BTRC: variants seen among roughly 807,000 people sequenced by gnomAD.
BTRC encodes beta-transducin repeat containing E3 ubiquitin protein ligase.
A neutral mutation model predicts 85.5 loss-of-function variants in BTRC; 42 were observed. The ratio of observed to expected loss-of-function variants is 0.49; its 90% CI spans 0.38 to 0.64. The LOEUF (loss-of-function observed/expected upper bound fraction) is 0.64. Ranked by LOEUF, BTRC falls within the 30% of genes least tolerant of loss-of-function variation. The pLI is 0.00. For missense variants in BTRC, 594 were observed against 743.5 expected (o/e 0.80, Z 2.34); for synonymous variants, 255 against 263.3 (o/e 0.97, Z 0.30).
At chr10:101,435,263 G>A (rs1944499257) in intron 2 of BTRC, among the ~76,000 whole-genome samples, 1 of 152,062 alleles carries the variant, frequency 6.6e-6, no homozygotes, top group South Asian at 2.1e-4. Context: ...GTACTCTTAG[G>A]TGAGTTTTGA....
chr10:101,409,743 G>A (rs1943725546), intron 1 of BTRC, among the ~76,000 whole-genome samples: 1 of 152,200 alleles, frequency 6.6e-6, no homozygotes, highest in Non-Finnish European at 1.5e-5. Flanking sequence ...GGTATATGCA[G>A]TTCATTGTTG....
chr10:101,420,408 C>T (rs1291669418), intron 1 of BTRC, among the ~76,000 whole-genome samples: 1 of 152,088 alleles, frequency 6.6e-6, no homozygotes, highest in East Asian at 1.9e-4. Context: ...CTTCCACCCT[C>T]CTCACTCCAC....
At position 101,430,428 on chromosome 10, in the gene BTRC, G is replaced by T. The variant is rs1564767812; in HGVS notation, c.132G>T (p.Gly44=). 1 of 1,613,972 alleles carries T rather than the reference G, an allele frequency of 6.2e-7. No individual in the cohort carries two copies. The highest frequency in any genetic ancestry group is 8.5e-7 in the Non-Finnish European group (1 of 1,179,968). Residue 44 remains glycine, a synonymous_variant, in exon 2 of 15, where the codon GGG becomes GGT. Transcript: ENST00000370187. The stretch of plus-strand genomic sequence containing the variant: ...CGCTGCGATGCCTGTATAACCCAGG[G>T]ACTGGCGCACTCACAGCTTTCCAGG... ...MPSLRCLYNP[G]TGALTAFQNS...
chr10:101,499,379 A>G (rs553994816), intron 4 of BTRC, among the ~76,000 whole-genome samples: 3 of 151,916 alleles, frequency 2.0e-5, no homozygotes, highest in Non-Finnish European at 2.9e-5. Context: ...ATGCACCACC[A>G]TGCCCAGCTA....
At chr10:101,499,960 T>C (rs537022022) in intron 4 of BTRC, among the ~76,000 whole-genome samples, 1 of 151,962 alleles carries the variant, frequency 6.6e-6, no homozygotes, top group South Asian at 2.1e-4. Flanking sequence ...TACAGCAGGC[T>C]ATGGACTATA....
intron 1 of BTRC, among the ~76,000 whole-genome samples, chr10:101,379,714 C>T (rs1187104015): frequency 2.6e-5 from 4 of 152,036 alleles, no homozygotes; most frequent in Non-Finnish European, 4.4e-5. Context: ...CTGTAACAAT[C>T]ATTTCTTAAG....
chr10:101,403,371 G>T (rs765611725), intron 1 of BTRC, among the ~76,000 whole-genome samples: 2 of 152,088 alleles, frequency 1.3e-5, no homozygotes, highest in Non-Finnish European at 2.9e-5. Context: ...CAAGGCAGCC[G>T]CCCTTGCATT....
At chr10:101,419,310 C>T (rs1310549513) in intron 1 of BTRC, among the ~76,000 whole-genome samples, 1 of 152,194 alleles carries the variant, frequency 6.6e-6, no homozygotes, top group East Asian at 1.9e-4. Context: ...TTCGTCTGGC[C>T]AGTACCTCAC....
chr10:101,535,187 A>T (rs952599439), intron 10 of BTRC, among the ~76,000 whole-genome samples, 167 bp from the exon 11 acceptor site: 1 of 152,166 alleles, frequency 6.6e-6, no homozygotes, highest in African/African-American at 2.4e-5. Flanking sequence ...GCCAACTGCA[A>T]ATTAGCCTCT....
At chr10:101,381,962 C>CTTTTTTTTTT (rs71016314) in intron 1 of BTRC, among the ~76,000 whole-genome samples, 14 of 49,156 alleles carry the variant, frequency 2.8e-4, no homozygotes, top group African/African-American at 8.9e-4. Context: ...CTAAGAATGT[C>CTTTTTTTTTT]TTTTTTTTTT....
intron 3 of BTRC, among the ~76,000 whole-genome samples, chr10:101,469,726 C>T (rs111918107): frequency 1.8e-4 from 27 of 152,244 alleles, no homozygotes; most frequent in African/African-American, 6.3e-4. Context: ...AGAATATTTT[C>T]ATAACCTAGG....
chr10:101,432,219 C>G (rs879755693), intron 2 of BTRC, among the ~76,000 whole-genome samples: 2 of 151,722 alleles, frequency 1.3e-5, no homozygotes, highest in Admixed American at 6.6e-5. Flanking sequence ...CCTCTGCCTA[C>G]TGGGCTCTAG....
At chr10:101,382,605 A>G (rs1176520808) in intron 1 of BTRC, among the ~76,000 whole-genome samples, 1 of 151,978 alleles carries the variant, frequency 6.6e-6, no homozygotes, top group Non-Finnish European at 1.5e-5. Context: ...TTGATCATTT[A>G]TTAAGGTTGT....
intron 2 of BTRC, among the ~76,000 whole-genome samples, chr10:101,444,334 G>A (rs933615687): frequency 3.9e-5 from 6 of 152,118 alleles, no homozygotes; most frequent in Non-Finnish European, 8.8e-5. Context: ...AGTTCCCACT[G>A]GTGATTTGAT....
intron 5 of BTRC, among the ~76,000 whole-genome samples, chr10:101,525,682 A>G (rs1483019489): frequency 6.6e-6 from 1 of 152,188 alleles, no homozygotes; most frequent in Non-Finnish European, 1.5e-5. Flanking sequence ...TCCATAGAAC[A>G]TCCCCTAGTG....
chr10:101,527,579 C>T (rs2062210983), intron 6 of BTRC, among the ~76,000 whole-genome samples: 1 of 152,046 alleles, frequency 6.6e-6, no homozygotes, highest in South Asian at 2.1e-4. Flanking sequence ...ATATTGAGAC[C>T]TCATCTCTAC....
chr10:101,502,367 G>A (rs547000184), intron 4 of BTRC, among the ~76,000 whole-genome samples: 12 of 151,834 alleles, frequency 7.9e-5, no homozygotes, highest in Admixed American at 3.9e-4. Flanking sequence ...AAACATTGTA[G>A]CAATAGCTCT....
At chr10:101,518,014 G>C (rs965963127) in intron 4 of BTRC, among the ~76,000 whole-genome samples, 1 of 146,332 alleles carries the variant, frequency 6.8e-6, no homozygotes, top group Non-Finnish European at 1.5e-5. Flanking sequence ...CCGGGTTCAC[G>C]CCATTCTCCT....
intron 1 of BTRC, among the ~76,000 whole-genome samples, chr10:101,421,911 G>T (rs1185058376): frequency 6.6e-6 from 1 of 151,954 alleles, no homozygotes; most frequent in Non-Finnish European, 1.5e-5. Context: ...TTGCTATTGT[G>T]AATAGTGCCA....
Sources: gnomAD v4.1 joint callset for allele counts (sites outside exome capture counted in the v4.1 genomes callset) on GRCh38, gnomAD v4.1.1 for gene constraint, MANE v1.5 for transcripts, NCBI Gene and HGNC (gene_info 2026-07-23, HGNC 2026-07-21) for gene names.